The following EPAS1 variants were observed in gnomAD, a reference collection of about 807,000 sequenced individuals.
EPAS1 encodes endothelial PAS domain-containing protein 1.
A neutral mutation model predicts 87.9 loss-of-function variants in EPAS1; 23 were observed. That is an observed-to-expected ratio of 0.26 (90% confidence interval 0.19 to 0.37). The LOEUF (loss-of-function observed/expected upper bound fraction) is 0.37. Ranked by LOEUF, EPAS1 falls within the 10% of genes least tolerant of loss-of-function variation. The probability of loss-of-function intolerance (pLI) is 1.00; values close to 1 mark genes in which losing one functional copy is unlikely to be tolerated. For synonymous variants in EPAS1, 508 were observed against 444.3 expected, an observed-to-expected ratio of 1.14 and a Z score of -1.80; for missense variants, 1,138 against 1,120.7, an observed-to-expected ratio of 1.02 and a Z score of -0.22.
intron 9 of EPAS1, 111 bp from the exon 10 acceptor site, chr2:46,377,783 G>C: frequency 6.5e-7 from 1 of 1,540,264 alleles, no homozygotes; most frequent in Non-Finnish European, 8.8e-7. Flanking sequence ...CTAGCCCCAG[G>C]CATGCCTTCC....
At chr2:46,331,686 G>T (rs1683676986) in intron 1 of EPAS1, among the ~76,000 whole-genome samples, 1 of 152,174 alleles carries the variant, frequency 6.6e-6, no homozygotes, top group South Asian at 2.1e-4. Flanking sequence ...CTTCTTAGTT[G>T]ATTCTGGAAA....
chr2:46,304,607 C>G (rs1021753299), intron 1 of EPAS1, among the ~76,000 whole-genome samples: 1 of 152,138 alleles, frequency 6.6e-6, no homozygotes, highest in Non-Finnish European at 1.5e-5. Context: ...CCTTGAATTT[C>G]TTATTTTTCA....
chr2:46,328,975 G>T (rs992024798), intron 1 of EPAS1, among the ~76,000 whole-genome samples: 1 of 152,054 alleles, frequency 6.6e-6, no homozygotes, highest in Admixed American at 6.5e-5. Flanking sequence ...GTCAAACTTT[G>T]CATCCTCAAA....
In EPAS1 at chr2:46,376,637, G is replaced by A. The variant is rs1453711067; in HGVS notation, c.1133G>A (p.Gly378Asp). The change falls in exon 9 of 16, where the codon GGC (glycine) becomes GAC (aspartate). Residue 378 changes from glycine to aspartate, a missense_variant. By Grantham distance (94) the Gly-to-Asp change is moderately conservative (BLOSUM62 -1). This residue lies in a region of EPAS1 where 284 missense variants were observed against 258.4 expected (regional missense o/e 1.10). Transcript: ENST00000263734. Reference protein sequence around the residue: ...MAMNSIFDSSGKGAVSEKSNF... With the variant: ...MAMNSIFDSSDKGAVSEKSNF... ...ATGAACAGCATCTTTGATAGCAGTG[G>A]CAAGGGGGCTGTGTCTGAGAAGAGT... The A allele has an allele frequency of 1.2e-6, 2 of 1,614,180 alleles. No homozygotes were observed. Among genetic ancestry groups the A allele is most frequent in the East Asian group, 4.5e-5 (2 of 44,878 alleles).
At chr2:46,341,108 A>G (rs2104866727) in intron 1 of EPAS1, among the ~76,000 whole-genome samples, 2 of 152,296 alleles carry the variant, frequency 1.3e-5, no homozygotes, top group South Asian at 4.2e-4. Flanking sequence ...TGGACATCAG[A>G]ATGTACCTAG....
chr2:46,382,342 A>G lies in EPAS1; in HGVS notation c.2288-83A>G, dbSNP rs1488448808. ...TCTGGTGACTCTGAGCACCTTTTAT[A>G]AAGGAAAGGGATGCTAGGGCTTCCT... On this transcript the variant is annotated intron_variant, in intron 14 of 15. Coordinates refer to ENST00000263734, the MANE Select transcript of EPAS1 (RefSeq NM_001430.5). 1.9e-6 allele frequency: 3 copies of G among 1,555,764 alleles called. No individual in the cohort carries two copies. The African/African-American group carries it at 4.1e-5, about 21-fold the overall frequency.
At chr2:46,363,601 G>C (rs1157919053) in intron 6 of EPAS1, among the ~76,000 whole-genome samples, 4 of 152,186 alleles carry the variant, frequency 2.6e-5, no homozygotes, top group Non-Finnish European at 5.9e-5. Flanking sequence ...TGGCTGGAGA[G>C]GAAATGTACA....
rs181924149 is a variant in EPAS1, at chr2:46,385,147, G to A, written c.*487G>A. On this transcript the variant is annotated 3_prime_UTR_variant, in exon 16 of 16. Transcript: ENST00000263734. Reference sequence around the variant, plus strand: ...GCGTCTCCCTCGCAGAGCCCTTCTCGTTTCTTTTTTAAACTAATCACCATA... The same window carrying A: ...GCGTCTCCCTCGCAGAGCCCTTCTCATTTCTTTTTTAAACTAATCACCATA... 7.5e-5 allele frequency: 12 copies of A among 159,176 alleles called. No individual in the cohort carries two copies. Among genetic ancestry groups the A allele is most frequent in the African/African-American group, 1.5e-4 (6 of 40,956 alleles). The allele number at this position is 159,176 out of a possible 1,614,324, so 9.9% of individuals were successfully genotyped here. A position where few individuals can be genotyped will look rare whatever the true frequency, so the allele number is the denominator to read the frequency against.
chr2:46,381,292 G>C (rs556169125), intron 12 of EPAS1: 11 of 445,312 alleles, frequency 2.5e-5, no homozygotes, highest in Non-Finnish European at 1.7e-5. Context: ...CTAGTTTTCA[G>C]TGGGAGCAAA....
intron 4 of EPAS1, among the ~76,000 whole-genome samples, chr2:46,359,527 G>T (rs201861830): frequency 6.6e-6 from 1 of 152,114 alleles, no homozygotes; most frequent in East Asian, 1.9e-4. Flanking sequence ...CGTGATGAAG[G>T]AATGTTCTCT....
intron 7 of EPAS1, 139 bp downstream of exon 7, chr2:46,370,072 C>G (rs1046177172): frequency 4.1e-6 from 3 of 739,766 alleles, no homozygotes; most frequent in Non-Finnish European, 7.2e-6. Flanking sequence ...GACTTATGCC[C>G]TCAAGATGGT....
At chr2:46,323,401 G>C (rs1683491795) in intron 1 of EPAS1, among the ~76,000 whole-genome samples, 1 of 152,216 alleles carries the variant, frequency 6.6e-6, no homozygotes, top group Non-Finnish European at 1.5e-5. Context: ...TTAACAAATG[G>C]ATGGGAGGAA....
intron 1 of EPAS1, chr2:46,335,749 A>T (rs1331319591): frequency 6.6e-6 from 1 of 150,626 alleles, no homozygotes; most frequent in Non-Finnish European, 1.5e-5. Context: ...CGCCCTGCTC[A>T]TGAAAGAGCT....
At chr2:46,307,493 G>A (rs939754056) in intron 1 of EPAS1, among the ~76,000 whole-genome samples, 1 of 152,160 alleles carries the variant, frequency 6.6e-6, no homozygotes. Flanking sequence ...GACTTAGGGG[G>A]AATTATTGGT....
intron 6 of EPAS1, among the ~76,000 whole-genome samples, chr2:46,366,196 G>A (rs1293775885): frequency 3.9e-5 from 6 of 152,268 alleles, no homozygotes; most frequent in African/African-American, 1.2e-4. Context: ...AGGCCTGTGG[G>A]TGGATTTCTT....
chr2:46,362,348 C>A (rs13412887), intron 6 of EPAS1, among the ~76,000 whole-genome samples: 1 of 152,102 alleles, frequency 6.6e-6, no homozygotes, highest in Non-Finnish European at 1.5e-5. Flanking sequence ...AGTCCAGACA[C>A]CACAACACAT....
chr2:46,354,523 G>T (rs1239237472), intron 2 of EPAS1, among the ~76,000 whole-genome samples: 1 of 151,044 alleles, frequency 6.6e-6, no homozygotes, highest in Non-Finnish European at 1.5e-5. Flanking sequence ...TGGGACAAGA[G>T]CCGAGTCTAT....
At chr2:46,330,799 G>GTCC (rs1558590026) in intron 1 of EPAS1, among the ~76,000 whole-genome samples, 3 of 152,214 alleles carry the variant, frequency 2.0e-5, no homozygotes, top group Admixed American at 6.5e-5. Context: ...GGCAAGACCT[G>GTCC]TCCTCCTACA....
At chr2:46,370,110 T>C (rs1684596802) in intron 7 of EPAS1, among the ~76,000 whole-genome samples, 177 bp downstream of exon 7, 1 of 152,202 alleles carries the variant, frequency 6.6e-6, no homozygotes, top group African/African-American at 2.4e-5. Context: ...CACCAGCCTA[T>C]AGACTCCTTC....
Sources: gnomAD v4.1 joint callset for allele counts (sites outside exome capture counted in the v4.1 genomes callset) on GRCh38, gnomAD v4.1.1 for gene constraint, gnomAD v4.1.1 regional missense constraint, MANE v1.5 for transcripts, NCBI Gene and HGNC (gene_info 2026-07-23, HGNC 2026-07-21) for gene names.